Variants in RBFOX1 observed in about 807,000 individuals in gnomAD.
RBFOX1 encodes RNA binding fox-1 homolog 1, also known as RNA binding protein fox-1 homolog 1.
In RBFOX1, 8 loss-of-function variants were observed where a neutral mutation model predicts 57.7. That is an observed-to-expected ratio of 0.14 (90% CI 0.08 to 0.25). The LOEUF (loss-of-function observed/expected upper bound fraction) is 0.25. Ranked by LOEUF, RBFOX1 falls within the 10% of genes least tolerant of loss-of-function variation. RBFOX1 has a pLI of 1.00. For synonymous variants in RBFOX1, 326 were observed against 222.4 expected (o/e 1.47, Z -4.15); for missense variants, 611 against 548.5 (o/e 1.11, Z -1.14).
intron 4 of RBFOX1, among the ~76,000 whole-genome samples, chr16:7,172,083 G>A (rs185052492): frequency 6.6e-6 from 1 of 152,026 alleles, no homozygotes; most frequent in Non-Finnish European, 1.5e-5. Flanking sequence ...ATATTGATTT[G>A]CTTTAACGTT....
intron 4 of RBFOX1, among the ~76,000 whole-genome samples, chr16:7,131,528 A>G (rs2070395581): frequency 2.0e-5 from 3 of 151,798 alleles, no homozygotes; most frequent in African/African-American, 7.3e-5. Flanking sequence ...TAAACTCACC[A>G]TAATCAACCT....
intron 1 of RBFOX1, among the ~76,000 whole-genome samples, chr16:5,324,073 G>C (rs1015116042): frequency 6.6e-6 from 1 of 152,202 alleles, no homozygotes; most frequent in Non-Finnish European, 1.5e-5. Context: ...CAAAGTGTTT[G>C]CCAGTGCTTC....
At chr16:7,047,363 T>C (rs1184507963) in intron 3 of RBFOX1, among the ~76,000 whole-genome samples, 1 of 152,198 alleles carries the variant, frequency 6.6e-6, no homozygotes, top group Non-Finnish European at 1.5e-5. Flanking sequence ...CTGTGTGTTA[T>C]TTTCTGCTGA....
At chr16:6,882,138 G>A (rs1441704655) in intron 3 of RBFOX1, among the ~76,000 whole-genome samples, 1 of 152,138 alleles carries the variant, frequency 6.6e-6, no homozygotes, top group Non-Finnish European at 1.5e-5. Context: ...CAAGGCTGCT[G>A]ATGGTCTTAG....
chr16:7,001,854 C>A (rs1427795159), intron 3 of RBFOX1, among the ~76,000 whole-genome samples: 1 of 152,120 alleles, frequency 6.6e-6, no homozygotes, highest in Non-Finnish European at 1.5e-5. Flanking sequence ...CTCTGTTCAG[C>A]ACTTGTCTCA....
intron 1 of RBFOX1, among the ~76,000 whole-genome samples, chr16:6,027,929 A>G (rs947367957): frequency 7.9e-5 from 12 of 152,202 alleles, no homozygotes; most frequent in African/African-American, 2.7e-4. Context: ...GACAGCAGCC[A>G]TATGCATGGG....
intron 2 of RBFOX1, among the ~76,000 whole-genome samples, chr16:6,652,404 C>T (rs910295301): frequency 2.6e-5 from 4 of 151,790 alleles, no homozygotes; most frequent in South Asian, 2.1e-4. Flanking sequence ...GCCAAGATCT[C>T]GCCACTGCAC....
chr16:6,825,850 G>T (rs141879808), intron 3 of RBFOX1, among the ~76,000 whole-genome samples: 14 of 152,278 alleles, frequency 9.2e-5, no homozygotes, highest in East Asian at 3.9e-4. Context: ...CCGGAAGGAG[G>T]AATGAATATC....
Position 6,019,161 on chromosome 16 carries a change from A to G in RBFOX1, c.-958A>G, listed in dbSNP as rs1226044494. 4.1e-6 allele frequency: 4 copies of G among 984,870 alleles called. No homozygotes were observed. In the South Asian group the frequency reaches 1.9e-4, roughly 46 times the overall value. 61.0% of individuals were successfully genotyped at this position (984,870 alleles called of 1,614,324 possible). A position where few individuals can be genotyped will look rare whatever the true frequency, so the allele number is the denominator to read the frequency against. On this transcript the variant is annotated 5_prime_UTR_variant, in exon 1 of 16. Coordinates refer to ENST00000550418, the MANE Select transcript of RBFOX1 (RefSeq NM_018723.4). This position sits in a 1 kb window ranked among gnomAD's most constrained non-coding sequence, Gnocchi z 4.2. Reference sequence around the variant, plus strand: ...CTCTCCTTTGTTTATTTTCTAATCTATATTTTTACTGGAAGATTTCCTCTT... The same window carrying G: ...CTCTCCTTTGTTTATTTTCTAATCTGTATTTTTACTGGAAGATTTCCTCTT...
At chr16:6,831,638 G>T (rs1038437733) in intron 3 of RBFOX1, among the ~76,000 whole-genome samples, 20 of 152,138 alleles carry the variant, frequency 1.3e-4, no homozygotes, top group African/African-American at 4.8e-4. Flanking sequence ...AAATGGAAGG[G>T]TTTTAAGCAT....
chr16:5,480,437 T>A (rs539793686), intron 2 of RBFOX1, among the ~76,000 whole-genome samples: 2 of 150,946 alleles, frequency 1.3e-5, no homozygotes, highest in Non-Finnish European at 2.9e-5. Flanking sequence ...TACAGACAAG[T>A]ATTAAGAAGA....
intron 3 of RBFOX1, among the ~76,000 whole-genome samples, chr16:6,781,142 C>A (rs1313329831): frequency 6.6e-6 from 1 of 152,042 alleles, no homozygotes; most frequent in Non-Finnish European, 1.5e-5. Context: ...ACATTAAATT[C>A]TTTAATCCGT....
At chr16:6,948,427 C>T (rs559971189) in intron 3 of RBFOX1, among the ~76,000 whole-genome samples, 1 of 92,106 alleles carries the variant, frequency 1.1e-5, no homozygotes, top group African/African-American at 4.8e-5. Context: ...TACTCTGTTG[C>T]CCAGGCTGGA....
At chr16:6,547,167 G>A (rs1057016661) in intron 2 of RBFOX1, among the ~76,000 whole-genome samples, 2 of 152,164 alleles carry the variant, frequency 1.3e-5, no homozygotes, top group Non-Finnish European at 2.9e-5. Flanking sequence ...ATTTTAATTG[G>A]TGGGGAAACG....
At chr16:6,319,116 A>G (rs2081454846) in intron 2 of RBFOX1, among the ~76,000 whole-genome samples, 1 of 152,056 alleles carries the variant, frequency 6.6e-6, no homozygotes, top group African/African-American at 2.4e-5. Context: ...TGGTTGAGAA[A>G]TTGCTCCAGT....
intron 1 of RBFOX1, among the ~76,000 whole-genome samples, chr16:6,100,140 GT>G (rs930364461): frequency 4.6e-5 from 7 of 151,238 alleles, no homozygotes; most frequent in African/African-American, 7.3e-5. Context: ...TTGCATTATT[GT>G]TTTTTTTGTT....
chr16:7,511,587 T>A (rs749179950), intron 4 of RBFOX1, among the ~76,000 whole-genome samples: 3 of 152,238 alleles, frequency 2.0e-5, no homozygotes, highest in Non-Finnish European at 4.4e-5. Context: ...CCAGGCTATT[T>A]CATGCTTCAG....
intron 3 of RBFOX1, among the ~76,000 whole-genome samples, chr16:6,969,827 G>A (rs971809699): frequency 6.6e-6 from 1 of 152,056 alleles, no homozygotes; most frequent in African/African-American, 2.4e-5. Flanking sequence ...CCTCGTTCTG[G>A]CCCTAATTCT....
intron 3 of RBFOX1, among the ~76,000 whole-genome samples, chr16:6,883,132 T>C (rs1203679385): frequency 6.6e-6 from 1 of 152,158 alleles, no homozygotes; most frequent in African/African-American, 2.4e-5. Flanking sequence ...AAGCAGATCA[T>C]TAAGGCAGAG....
Sources: allele counts gnomAD v4.1 joint callset (sites outside exome capture counted in the v4.1 genomes callset), GRCh38; gene constraint gnomAD v4.1.1; non-coding constraint Gnocchi (gnomAD v3.1); transcripts MANE v1.5; gene names NCBI Gene and HGNC (gene_info 2026-07-23, HGNC 2026-07-21).